The following CCDC85A variants were observed in gnomAD, a reference collection of about 807,000 sequenced individuals.
CCDC85A encodes the protein coiled-coil domain-containing protein 85A.
CCDC85A carries 38 observed loss-of-function variants against 50.2 expected under a neutral mutation model. That is an observed-to-expected ratio of 0.76 (90% CI 0.58 to 0.99). The LOEUF (loss-of-function observed/expected upper bound fraction) is 0.99, where lower values mean the gene tolerates loss of function less well. Ranked by LOEUF, CCDC85A falls within the 50% of genes least tolerant of loss-of-function variation. The probability of loss-of-function intolerance (pLI) is 0.00; values close to 1 mark genes in which losing one functional copy is unlikely to be tolerated. For synonymous variants in CCDC85A, 366 were observed against 301.4 expected (o/e 1.21, Z -2.22); for missense variants, 820 against 742.0 (o/e 1.11, Z -1.22).
At chr2:56,207,771 AG>A (rs1677016048) in intron 2 of CCDC85A, among the ~76,000 whole-genome samples, 2 of 152,194 alleles carry the variant, frequency 1.3e-5, no homozygotes, top group Non-Finnish European at 2.9e-5. Flanking sequence ...AATTCTTTAA[AG>A]GAAACCAAGC....
intron 3 of CCDC85A, among the ~76,000 whole-genome samples, chr2:56,365,597 A>G (rs1675751693): frequency 6.6e-6 from 1 of 152,186 alleles, no homozygotes; most frequent in Admixed American, 6.5e-5. Flanking sequence ...TACTGAAAAC[A>G]TTACCAGGCC....
At chr2:56,280,786 C>G (rs1671172367) in intron 2 of CCDC85A, among the ~76,000 whole-genome samples, 1 of 152,136 alleles carries the variant, frequency 6.6e-6, no homozygotes, top group South Asian at 2.1e-4. Flanking sequence ...CTCTCTCTCT[C>G]CCTCACAAAC....
chr2:56,310,512 A>T (rs1315300614), intron 2 of CCDC85A, among the ~76,000 whole-genome samples: 2 of 152,294 alleles, frequency 1.3e-5, no homozygotes, highest in East Asian at 3.9e-4. Context: ...ACGTGGCCTA[A>T]GCAAGTTTGG....
At chr2:56,371,144 A>T (rs1676051567) in intron 3 of CCDC85A, among the ~76,000 whole-genome samples, 1 of 152,128 alleles carries the variant, frequency 6.6e-6, no homozygotes, top group Admixed American at 6.6e-5. Context: ...TTATGACCCA[A>T]GTGCAAATAT....
At chr2:56,212,723 C>G (rs1413421455) in intron 2 of CCDC85A, among the ~76,000 whole-genome samples, 1 of 151,948 alleles carries the variant, frequency 6.6e-6, no homozygotes, top group Non-Finnish European at 1.5e-5. Flanking sequence ...AGTGTGCAGG[C>G]AGAATTTTCA....
At chr2:56,331,436 G>A (rs1319678457) in intron 2 of CCDC85A, among the ~76,000 whole-genome samples, 2 of 152,114 alleles carry the variant, frequency 1.3e-5, no homozygotes, top group African/African-American at 2.4e-5. Flanking sequence ...TGGGTACAAT[G>A]TACATTATTT....
chr2:56,202,897 A>G (rs1676802140), intron 2 of CCDC85A, among the ~76,000 whole-genome samples: 2 of 152,226 alleles, frequency 1.3e-5, no homozygotes, highest in African/African-American at 2.4e-5. Flanking sequence ...AAGGCAAGTC[A>G]TTAGTCATAT....
chr2:56,220,139 G>A (rs1484846668), intron 2 of CCDC85A, among the ~76,000 whole-genome samples: 3 of 151,846 alleles, frequency 2.0e-5, no homozygotes, highest in African/African-American at 4.8e-5. Flanking sequence ...GCTCTATTTC[G>A]GGAATTCTGA....
chr2:56,329,513 G>C (rs1673659549), intron 2 of CCDC85A, among the ~76,000 whole-genome samples: 1 of 152,166 alleles, frequency 6.6e-6, no homozygotes, highest in Admixed American at 6.5e-5. Context: ...AAAGTTCAAA[G>C]TATGTGCTAA....
At chr2:56,209,592 A>C (rs536428697) in intron 2 of CCDC85A, among the ~76,000 whole-genome samples, 42 of 152,082 alleles carry the variant, frequency 2.8e-4, no homozygotes, top group Non-Finnish European at 5.0e-4. Context: ...ATAGGTCTGC[A>C]TTGGTAGTAG....
intron 3 of CCDC85A, among the ~76,000 whole-genome samples, chr2:56,352,872 C>T (rs1317641172): frequency 1.3e-5 from 2 of 152,100 alleles, no homozygotes; most frequent in African/African-American, 2.4e-5. Context: ...ACACCCTTAA[C>T]CTCTCTAAGC....
At chr2:56,301,846 A>T (rs1358677413) in intron 2 of CCDC85A, among the ~76,000 whole-genome samples, 2 of 152,166 alleles carry the variant, frequency 1.3e-5, no homozygotes, top group Non-Finnish European at 2.9e-5. Flanking sequence ...TAGGACAAAT[A>T]CCTAATACGT....
chr2:56,272,560 A>G (rs919776620), intron 2 of CCDC85A, among the ~76,000 whole-genome samples: 5 of 152,172 alleles, frequency 3.3e-5, no homozygotes, highest in African/African-American at 1.2e-4. Flanking sequence ...TCTTTGGAGA[A>G]ATTAACTGGG....
intron 2 of CCDC85A, among the ~76,000 whole-genome samples, chr2:56,242,701 C>T (rs904612830): frequency 4.6e-5 from 7 of 152,052 alleles, no homozygotes; most frequent in Non-Finnish European, 7.4e-5. Flanking sequence ...ATATTTTCTC[C>T]CATTCTACAG....
intron 2 of CCDC85A, among the ~76,000 whole-genome samples, chr2:56,292,475 A>G (rs1226681451): frequency 6.6e-6 from 1 of 152,070 alleles, no homozygotes; most frequent in East Asian, 1.9e-4. Flanking sequence ...CTTCACAGGG[A>G]CCTATAGACC....
intron 2 of CCDC85A, among the ~76,000 whole-genome samples, chr2:56,306,043 C>A (rs1672428907): frequency 6.6e-6 from 1 of 152,170 alleles, no homozygotes; most frequent in African/African-American, 2.4e-5. Flanking sequence ...CAGAACTATG[C>A]TAAGTGTAAT....
At chr2:56,334,495 T>A (rs544557524) in intron 2 of CCDC85A, among the ~76,000 whole-genome samples, 1 of 152,324 alleles carries the variant, frequency 6.6e-6, no homozygotes, top group South Asian at 2.1e-4. Context: ...AATATGTGAT[T>A]CACTGACAGA....
intron 2 of CCDC85A, among the ~76,000 whole-genome samples, chr2:56,332,198 T>C (rs1481101860): frequency 6.6e-6 from 1 of 152,228 alleles, no homozygotes; most frequent in Non-Finnish European, 1.5e-5. Context: ...TCTAAGACTT[T>C]AGTGGTAGAA....
At chr2:56,315,716 C>A (rs1379615132) in intron 2 of CCDC85A, among the ~76,000 whole-genome samples, 2 of 152,026 alleles carry the variant, frequency 1.3e-5, no homozygotes, top group African/African-American at 4.8e-5. Flanking sequence ...TAAGGGCCAG[C>A]TCTTGAAAGA....
Sources: gnomAD v4.1 joint callset for allele counts (sites outside exome capture counted in the v4.1 genomes callset) on GRCh38, gnomAD v4.1.1 for gene constraint, MANE v1.5 for transcripts, NCBI Gene and HGNC (gene_info 2026-07-23, HGNC 2026-07-21) for gene names.